DNMBP: variants seen among roughly 807,000 people sequenced by gnomAD.
The protein encoded by DNMBP is dynamin-binding protein.
In DNMBP, 87 loss-of-function variants were observed where a neutral mutation model predicts 150.0. The ratio of observed to expected loss-of-function variants is 0.58; its 90% CI spans 0.49 to 0.69. The LOEUF (loss-of-function observed/expected upper bound fraction) is 0.69, where lower values mean the gene tolerates loss of function less well. Among genes scored for constraint, DNMBP ranks in the 30% least tolerant of loss-of-function variants. The pLI is 0.00. For synonymous variants in DNMBP, 711 were observed against 750.4 expected, an observed-to-expected ratio of 0.95 and a Z score of 0.86; for missense variants, 1,774 against 1,949.0, an observed-to-expected ratio of 0.91 and a Z score of 1.69.
At chr10:99,943,083 G>A (rs1410669462) in intron 4 of DNMBP, among the ~76,000 whole-genome samples, 1 of 152,094 alleles carries the variant, frequency 6.6e-6, no homozygotes, top group Non-Finnish European at 1.5e-5. Context: ...TCAGGCGTTC[G>A]AGACTAGCCT....
In DNMBP at chr10:99,884,017, T is replaced by G; in HGVS notation, c.3991A>C (p.Asn1331His). The G allele has an allele frequency of 6.2e-7, 1 of 1,613,940 alleles. No individual in the cohort carries two copies. The highest frequency in any genetic ancestry group is 8.5e-7 in the Non-Finnish European group (1 of 1,179,938). Residue 1331 changes from asparagine (N) to histidine (H), a missense_variant, in exon 15 of 17, where the codon AAT becomes CAT. By Grantham distance (68) the Asn-to-His change is moderately conservative. Coordinates refer to ENST00000324109, the MANE Select transcript of DNMBP (RefSeq NM_015221.4). ...MGSQNRWLID[N>H]GVTKGFVYSS... ...TGCTGCTTAAAATTCTTACCTCCAT[T>G]GTCAATCAGCCAGCGGTTCTGGCTG...
At chr10:99,998,046 T>C (rs183012848) in intron 1 of DNMBP, among the ~76,000 whole-genome samples, 142 of 147,194 alleles carry the variant, frequency 9.6e-4, no homozygotes, top group Non-Finnish European at 1.6e-3. Flanking sequence ...CCATCCTGGC[T>C]AACACAGTGA....
At chr10:99,984,247 A>G (rs1218216947) in intron 1 of DNMBP, among the ~76,000 whole-genome samples, 1 of 152,214 alleles carries the variant, frequency 6.6e-6, no homozygotes, top group East Asian at 1.9e-4. Context: ...CATTCAAGAA[A>G]TATTTTCAAA....
intron 1 of DNMBP, among the ~76,000 whole-genome samples, chr10:99,982,963 CA>C (rs746676455): frequency 6.2e-4 from 82 of 133,008 alleles, no homozygotes; most frequent in South Asian, 7.5e-4. Flanking sequence ...GAGACCCTGC[CA>C]AAAAAAAAAA....
chr10:99,880,099 T>C lies in DNMBP; in HGVS notation c.4260A>G (p.Ala1420=). Residue 1420 remains alanine, a synonymous_variant, in exon 16 of 17, where the codon GCA becomes GCG. Coordinates refer to ENST00000324109, the MANE Select transcript of DNMBP (RefSeq NM_015221.4). The stretch of plus-strand genomic sequence containing the variant: ...TCTCTGAATTACTCGGATTTAGGGA[T>C]GCACTGAGAGTTCCTTGGTCACATT... ...PKECDQGTLS[A]SLNPSNSESS... The C allele has an allele frequency of 6.2e-7, 1 of 1,614,200 alleles. No individual in the cohort carries two copies. Among genetic ancestry groups the C allele is most frequent in the Non-Finnish European group, 8.5e-7 (1 of 1,180,024 alleles).
rs759653753 is a variant in DNMBP at position 99,955,566 on chromosome 10, G to C, written c.1908C>G (p.Pro636=). The change falls in exon 4 of 17, where the codon CCC becomes CCG. Residue 636 remains proline (P), a synonymous_variant. Transcript: ENST00000324109. Reference sequence around the variant, plus strand: ...CTGGGCGAGAGGGTCGCACCACCAAGGGTGGTGCAGGTTTTAGGTTCTGGT... The same window carrying C: ...CTGGGCGAGAGGGTCGCACCACCAACGGTGGTGCAGGTTTTAGGTTCTGGT... ...LVDQNLKPAP[P]LVVRPSRPAP... 6.2e-7 allele frequency: 1 copy of C among 1,609,560 alleles called. No individual in the cohort carries two copies. Among genetic ancestry groups the C allele is most frequent in the Non-Finnish European group, 8.5e-7 (1 of 1,177,710 alleles).
intron 4 of DNMBP, among the ~76,000 whole-genome samples, chr10:99,951,603 T>A (rs1798195473): frequency 1.3e-5 from 2 of 152,150 alleles, no homozygotes; most frequent in Non-Finnish European, 2.9e-5. Flanking sequence ...TCAAAGGAGA[T>A]CATTTTGGAG....
At chr10:99,895,977 C>G (rs771728098) in intron 10 of DNMBP, among the ~76,000 whole-genome samples, 1 of 152,146 alleles carries the variant, frequency 6.6e-6, no homozygotes, top group Non-Finnish European at 1.5e-5. Context: ...ACTAGGTGAT[C>G]TCTTAAATTC....
intron 4 of DNMBP, among the ~76,000 whole-genome samples, chr10:99,928,548 T>C (rs1455984266): frequency 6.6e-6 from 1 of 152,080 alleles, no homozygotes; most frequent in Non-Finnish European, 1.5e-5. Flanking sequence ...AATAACACAG[T>C]AGAAATAAAG....
rs753257924 is a variant in DNMBP at position 99,899,996 on chromosome 10, CTCA to C, written c.2622_2624del (p.Asp874del). On this transcript the variant is annotated inframe_deletion, in exon 7 of 17. Transcript: ENST00000324109. ...CGTAGATTTCAAGCAGCGCAATGGCCTCATCATGATTCTGGCAGTAAATCTTGT... is the reference window on the plus strand; with the variant it reads ...CGTAGATTTCAAGCAGCGCAATGGCCTCATGATTCTGGCAGTAAATCTTGT... The C allele has an allele frequency of 1.2e-6, 2 of 1,614,110 alleles. No individual in the cohort carries two copies. The highest frequency in any genetic ancestry group is 1.7e-6 in the Non-Finnish European group (2 of 1,180,018).
chr10:99,977,077 C>T (rs574722787), intron 1 of DNMBP, among the ~76,000 whole-genome samples: 4 of 152,196 alleles, frequency 2.6e-5, no homozygotes, highest in African/African-American at 9.6e-5. Flanking sequence ...TTTCACTCTA[C>T]CAGAAAATGA....
chr10:99,885,619 G>A, intron 14 of DNMBP, 68 bp downstream of exon 14: 5 of 1,385,212 alleles, frequency 3.6e-6, no homozygotes, highest in Non-Finnish European at 4.9e-6. Flanking sequence ...TCTGGGCCTG[G>A]GGGCCTGGCT....
intron 3 of DNMBP, among the ~76,000 whole-genome samples, chr10:99,963,401 G>A (rs1360099793): frequency 6.6e-6 from 1 of 151,756 alleles, no homozygotes. Flanking sequence ...CCCTGTTACT[G>A]AACCGTAAGT....
At chr10:99,930,379 T>C (rs754096446) in intron 4 of DNMBP, 4 of 702,886 alleles carry the variant, frequency 5.7e-6, no homozygotes, top group Admixed American at 2.0e-5. Context: ...CCACCAGCTT[T>C]CGAGGTCACA....
chr10:99,894,820 T>C, intron 11 of DNMBP, 126 bp downstream of exon 11: 2 of 666,368 alleles, frequency 3.0e-6, no homozygotes, highest in South Asian at 2.1e-5. Context: ...ACAAAAAGTA[T>C]GATGGGGCAT....
At chr10:99,986,901 T>C (rs1431470937) in intron 1 of DNMBP, among the ~76,000 whole-genome samples, 1 of 152,220 alleles carries the variant, frequency 6.6e-6, no homozygotes, top group African/African-American at 2.4e-5. Context: ...ACACCTATAA[T>C]CCCAGCACTT....
intron 6 of DNMBP, among the ~76,000 whole-genome samples, chr10:99,902,720 C>G (rs12761972): frequency 0.45 from 66,981 of 149,788 alleles, 15,143 homozygotes; most frequent in African/African-American, 0.48. Flanking sequence ...CTGAGGTCAG[C>G]AGTTCGAGAC....
chr10:99,956,401 G>A lies in DNMBP; in HGVS notation c.1073C>T (p.Thr358Ile), dbSNP rs2040496674. 6.2e-7 allele frequency: 1 copy of A among 1,614,066 alleles called. No homozygotes were observed. Among genetic ancestry groups the A allele is most frequent in the Admixed American group, 1.7e-5 (1 of 60,002 alleles). The change falls in exon 4 of 17, where the codon ACT becomes ATT. Residue 358 changes from threonine to isoleucine, a missense_variant. By Grantham distance (89) the Thr-to-Ile change is moderately conservative. Around this residue, in one of 2 missense-constraint regions of DNMBP, gnomAD observed 344 missense variants for 456.6 expected, o/e 0.75. Coordinates refer to ENST00000324109, the MANE Select transcript of DNMBP (RefSeq NM_015221.4). The stretch of plus-strand genomic sequence containing the variant: ...TGAAGTCAGATGACCGAGGGGAGAA[G>A]TGGGTGCTTCAGAAATAATGCAGTC... ...EPDCIISEAP[T>I]SPLGHLTSEY...
chr10:99,960,046 A>G (rs2040547098), intron 3 of DNMBP, among the ~76,000 whole-genome samples: 1 of 152,070 alleles, frequency 6.6e-6, no homozygotes, highest in Non-Finnish European at 1.5e-5. Flanking sequence ...AAAATAACCA[A>G]TTTTCAGGTT....
Sources: gnomAD v4.1 joint callset for allele counts (sites outside exome capture counted in the v4.1 genomes callset) on GRCh38, gnomAD v4.1.1 for gene constraint, gnomAD v4.1.1 regional missense constraint, MANE v1.5 for transcripts, NCBI Gene and HGNC (gene_info 2026-07-23, HGNC 2026-07-21) for gene names.